The following DNAH1 variants were observed in gnomAD, a reference collection of about 807,000 sequenced individuals.
DNAH1 encodes the protein dynein axonemal heavy chain 1, also known as axonemal beta dynein heavy chain 1.
DNAH1 carries 327 observed loss-of-function variants against 484.3 expected under a neutral mutation model. The observed-to-expected ratio is 0.68, with a 90% confidence interval of 0.62 to 0.74. The LOEUF (loss-of-function observed/expected upper bound fraction) is 0.74, where lower values mean the gene tolerates loss of function less well. DNAH1 is among the 30% of genes least tolerant of loss of function. The pLI, the probability that DNAH1 is intolerant of heterozygous loss-of-function variation, is 0.00. For synonymous variants in DNAH1, 2,192 were observed against 2,191.9 expected, an observed-to-expected ratio of 1.00 and a Z score of 0.00; for missense variants, 5,052 against 5,546.8, an observed-to-expected ratio of 0.91 and a Z score of 2.83.
chr3:52,381,841 G>T lies in DNAH1; in HGVS notation c.7805+5G>T. On this transcript the variant is annotated splice_donor_5th_base_variant and intron_variant, in intron 49 of 77. Coordinates refer to ENST00000420323, the MANE Select transcript of DNAH1 (RefSeq NM_015512.5). The surrounding 1 kb of genome is among the most constrained non-coding windows in gnomAD (Gnocchi z 4.1). ...CACAAGGCTCGCCTCGCACATGTGA[G>T]CGCCTCCAGGGCGTGCTGGGCAGTG... The T allele has an allele frequency of 7.0e-6, 11 of 1,575,606 alleles. No individual in the cohort carries two copies. The highest frequency in any genetic ancestry group is 9.5e-6 in the Non-Finnish European group (11 of 1,160,278).
At chr3:52,357,140 C>T (rs1042093084) in intron 22 of DNAH1, among the ~76,000 whole-genome samples, 3 of 151,772 alleles carry the variant, frequency 2.0e-5, no homozygotes, top group African/African-American at 7.3e-5. Context: ...GTTCACCTCC[C>T]GGAGGCTGAG....
At position 52,394,988 on chromosome 3, in the gene DNAH1, G is replaced by A. The variant is rs780469765; in HGVS notation, c.10897G>A (p.Gly3633Arg). 1.1e-5 allele frequency: 17 copies of A among 1,612,624 alleles called. No individual in the cohort carries two copies. The highest frequency in any genetic ancestry group is 8.4e-5 in the Admixed American group (5 of 59,828). Residue 3633 changes from glycine (G) to arginine (R), a missense_variant, in exon 68 of 78, where the codon GGG (glycine) becomes AGG (arginine). Transcript: ENST00000420323. ...QKLLVLRCLR[G>R]DKVTNAMQDF... ...GCTGCTAGTCCTCCGCTGCCTGCGT[G>A]GGGACAAGGTTACCAACGCCATGCA...
chr3:52,349,907 C>T, intron 14 of DNAH1, 82 bp from the exon 15 acceptor site: 1 of 1,515,302 alleles, frequency 6.6e-7, no homozygotes, highest in Non-Finnish European at 8.9e-7. Context: ...TCGGGAGATG[C>T]TGGAGACCAA....
chr3:52,350,683 A>G, intron 16 of DNAH1, 93 bp downstream of exon 16: 1 of 1,167,618 alleles, frequency 8.6e-7, no homozygotes, highest in Non-Finnish European at 1.3e-6. Flanking sequence ...CAGCTGCCAC[A>G]GTCTGTGCAA....
At position 52,393,545 on chromosome 3, in the gene DNAH1, G is replaced by A. The variant is rs982197590; in HGVS notation, c.10626+60G>A. ...GGGGTGGCCCTGTGGCAGGGCCTGAGAACAGGGTGGAAGGAAAGGGAAAGC... is the reference window on the plus strand; with the variant it reads ...GGGGTGGCCCTGTGGCAGGGCCTGAAAACAGGGTGGAAGGAAAGGGAAAGC... On this transcript the variant is annotated intron_variant, in intron 66 of 77. Transcript: ENST00000420323. 19 of 1,597,548 alleles carry A rather than the reference G, an allele frequency of 1.2e-5. No homozygotes were observed. The South Asian group carries it at 1.5e-4, about 13-fold the overall frequency.
intron 5 of DNAH1, 114 bp downstream of exon 5, chr3:52,327,005 T>C: frequency 7.4e-7 from 1 of 1,353,830 alleles, no homozygotes; most frequent in Admixed American, 2.5e-5. Flanking sequence ...CAGCACACTC[T>C]TGTCAAACAG....
Position 52,383,126 on chromosome 3 carries a change from G to A in DNAH1, c.7942-260G>A, listed in dbSNP as rs148429892. 3.8e-3 allele frequency among the ~76,000 whole-genome samples: 584 copies of A among 152,322 alleles called. 5 individuals are homozygous for A. The highest frequency in any genetic ancestry group is 0.013 in the African/African-American group (526 of 41,570). On this transcript the variant is annotated intron_variant, in intron 50 of 77. Coordinates refer to ENST00000420323, the MANE Select transcript of DNAH1 (RefSeq NM_015512.5). Reference sequence around the variant, plus strand: ...AGTAAACTGAGACATGGAGAGGGGCGAAGAGGAAGATGCCACAACCCCCAG... The same window carrying A: ...AGTAAACTGAGACATGGAGAGGGGCAAAGAGGAAGATGCCACAACCCCCAG...
At chr3:52,375,002 A>G (rs937950584) in intron 44 of DNAH1, 34 of 568,646 alleles carry the variant, frequency 6.0e-5, no homozygotes, top group Admixed American at 2.7e-4. Context: ...CTAACGTTGT[A>G]TATGAAAATG....
In DNAH1 at chr3:52,347,852, G is replaced by A. The variant is rs374021084; in HGVS notation, c.1984G>A (p.Asp662Asn). 35 of 1,599,764 alleles carry A rather than the reference G, an allele frequency of 2.2e-5. No individual in the cohort carries two copies. Among genetic ancestry groups the A allele is most frequent in the Non-Finnish European group, 3.0e-5 (35 of 1,172,604 alleles). ...CCGGAAGAATCCCCTGTTCATCATGGACCTGGTGCTGGACAGCTCTGGGGT... is the reference window on the plus strand; with the variant it reads ...CCGGAAGAATCCCCTGTTCATCATGAACCTGGTGCTGGACAGCTCTGGGGT... ...RPRKNPLFIM[D>N]LVLDSSGVHY... The change falls in exon 12 of 78, where the codon GAC becomes AAC. Residue 662 changes from aspartate (D) to asparagine (N), a missense_variant. Around this residue, in one of 4 missense-constraint regions of DNAH1, gnomAD observed 1,263 missense variants for 1,218.8 expected, o/e 1.04. Coordinates refer to ENST00000420323, the MANE Select transcript of DNAH1 (RefSeq NM_015512.5).
chr3:52,366,747 G>A lies in DNAH1; in HGVS notation c.5625G>A (p.Leu1875=). The part of the protein sequence containing the change: ...GSGKSTCYRV[L]AAAMTSLKGQ... ...CCGTCTCCCAGTGTTACAGAGTCCT[G>A]GCAGCTGCCATGACGTCACTGAAAG... Residue 1875 remains leucine, a synonymous_variant, in exon 36 of 78, where the codon CTG becomes CTA. Transcript: ENST00000420323. 1 of 1,612,546 alleles carries A rather than the reference G, an allele frequency of 6.2e-7. No individual in the cohort carries two copies. The highest frequency in any genetic ancestry group is 1.1e-5 in the South Asian group (1 of 90,952).
chr3:52,385,109 C>T, intron 53 of DNAH1, 132 bp downstream of exon 53: 1 of 1,195,570 alleles, frequency 8.4e-7, no homozygotes, highest in Non-Finnish European at 1.2e-6. Flanking sequence ...GGGTGGCTTC[C>T]CCCCTCATCA....
At position 52,395,694 on chromosome 3, in the gene DNAH1, C is replaced by T; in HGVS notation, c.11259+16C>T. 6.2e-7 allele frequency: 1 copy of T among 1,610,238 alleles called. No homozygotes were observed. ...CCCCGACAAGGTGTGTTGCCCTGCC[C>T]ATCACAGACCCAGTGGGGCCGCCTC... is the stretch of plus-strand genomic sequence containing the variant. On this transcript the variant is annotated intron_variant, in intron 70 of 77. Transcript: ENST00000420323. This position sits in a 1 kb window ranked among gnomAD's most constrained non-coding sequence, Gnocchi z 4.4.
chr3:52,323,452 C>T (rs185418116), intron 2 of DNAH1, among the ~76,000 whole-genome samples: 32 of 152,320 alleles, frequency 2.1e-4, no homozygotes, highest in Admixed American at 2.0e-3. Flanking sequence ...TGCATTAAAC[C>T]TGCAGTGCCA....
chr3:52,358,850 G>A lies in DNAH1; in HGVS notation c.4266+113G>A. The A allele has an allele frequency of 7.7e-7, 1 of 1,304,622 alleles. No homozygotes were observed. The highest frequency in any genetic ancestry group is 1.1e-6 in the Non-Finnish European group (1 of 944,092). The allele number at this position is 1,304,622 out of a possible 1,614,324, so 80.8% of individuals were successfully genotyped here. A position where few individuals can be genotyped will look rare whatever the true frequency, so the allele number is the denominator to read the frequency against. ...TCAGGCTGCAGCCCTGAGGTCCCTG[G>A]GGGCTCAGGCGGGATTCTGGAGTCT... On this transcript the variant is annotated intron_variant, in intron 25 of 77. Transcript: ENST00000420323. This position sits in a 1 kb window ranked among gnomAD's most constrained non-coding sequence, Gnocchi z 4.2.
At chr3:52,367,727 C>T (rs1412550878) in intron 36 of DNAH1, among the ~76,000 whole-genome samples, 1 of 152,184 alleles carries the variant, frequency 6.6e-6, no homozygotes, top group Non-Finnish European at 1.5e-5. Context: ...GCATGTGCCA[C>T]CATGCCCGGC....
Position 52,386,206 on chromosome 3 carries a change from A to G in DNAH1, c.8672A>G (p.Glu2891Gly), listed in dbSNP as rs781641243. The G allele has an allele frequency of 6.2e-7, 1 of 1,613,900 alleles. No homozygotes were observed. Among genetic ancestry groups the G allele is most frequent in the Non-Finnish European group, 8.5e-7 (1 of 1,179,850 alleles). ...GAGACCCGGAATTCAGTGCAGACAG[A>G]GGAGATCAAAGCCAATGAGAAGGCC... ...AEETRNSVQT[E>G]EIKANEKAKK... The change falls in exon 55 of 78, where the codon GAG becomes GGG. Residue 2891 changes from glutamate (E) to glycine (G), a missense_variant. This residue lies in a region of DNAH1 where 2,929 missense variants were observed against 3,409.4 expected (regional missense o/e 0.86). Coordinates refer to ENST00000420323, the MANE Select transcript of DNAH1 (RefSeq NM_015512.5).
chr3:52,311,301 C>T, the DNAH1 span, among the ~76,000 whole-genome samples: 7 of 152,228 alleles, frequency 4.6e-5, no homozygotes, highest in Admixed American at 6.5e-5. Flanking sequence ...TGACCGGGAC[C>T]GGGGCCTAGC....
At chr3:52,323,708 G>C (rs1701232544) in intron 2 of DNAH1, 100 bp from the exon 3 acceptor site, 3 of 808,820 alleles carry the variant, frequency 3.7e-6, no homozygotes, top group African/African-American at 1.7e-5. Flanking sequence ...AGTGCTCCCT[G>C]GTGGGTCTCA....
At chr3:52,386,383 T>C (rs757213854) in intron 55 of DNAH1, 38 bp downstream of exon 55, 18 of 1,526,178 alleles carry the variant, frequency 1.2e-5, no homozygotes, top group Non-Finnish European at 1.4e-5. Flanking sequence ...CCCTCTCATA[T>C]GCCTCTGTCC....
Sources: allele counts gnomAD v4.1 joint callset (sites outside exome capture counted in the v4.1 genomes callset), GRCh38; gene constraint gnomAD v4.1.1; regional missense constraint gnomAD v4.1.1; non-coding constraint Gnocchi (gnomAD v3.1); transcripts MANE v1.5; gene names NCBI Gene and HGNC (gene_info 2026-07-23, HGNC 2026-07-21).